Variants in RBFOX1 observed in about 807,000 individuals in gnomAD.
The protein encoded by RBFOX1 is RNA binding protein fox-1 homolog 1.
RBFOX1 carries 8 observed loss-of-function variants against 57.7 expected under a neutral mutation model. The ratio of observed to expected loss-of-function variants is 0.14; its 90% CI spans 0.08 to 0.25. The LOEUF is 0.25. Among genes scored for constraint, RBFOX1 ranks in the 10% least tolerant of loss-of-function variants. The pLI is 1.00. For synonymous variants in RBFOX1, 326 were observed against 222.4 expected, an observed-to-expected ratio of 1.47 and a Z score of -4.15; for missense variants, 611 against 548.5, an observed-to-expected ratio of 1.11 and a Z score of -1.14.
chr16:7,434,987 G>C (rs576571708), intron 4 of RBFOX1, among the ~76,000 whole-genome samples: 4 of 152,112 alleles, frequency 2.6e-5, no homozygotes, highest in Non-Finnish European at 2.9e-5. Context: ...TGATCCGCCT[G>C]CCTTGGCCTC....
intron 3 of RBFOX1, among the ~76,000 whole-genome samples, chr16:5,645,870 A>G (rs1245318916): frequency 3.9e-5 from 6 of 152,058 alleles, no homozygotes; most frequent in Non-Finnish European, 5.9e-5. Flanking sequence ...GGGTCTTGCT[A>G]TGTTGTTATG....
intron 1 of RBFOX1, among the ~76,000 whole-genome samples, chr16:6,168,816 T>A (rs1456148893): frequency 1.3e-5 from 2 of 151,326 alleles, no homozygotes; most frequent in South Asian, 2.1e-4. Flanking sequence ...TTCACTTTTT[T>A]ACTTTTTTTT....
chr16:6,727,477 A>C (rs1246959068), intron 3 of RBFOX1, among the ~76,000 whole-genome samples: 1 of 151,926 alleles, frequency 6.6e-6, no homozygotes, highest in Non-Finnish European at 1.5e-5. Context: ...GATGAAGCAC[A>C]GGGCAAAAAC....
chr16:5,479,950 C>G (rs902645742), intron 2 of RBFOX1, among the ~76,000 whole-genome samples: 6 of 152,110 alleles, frequency 3.9e-5, no homozygotes, highest in African/African-American at 1.4e-4. Context: ...TGGTTTCTTT[C>G]TCCCCACCCT....
At chr16:5,554,717 C>T (rs542246591) in intron 2 of RBFOX1, among the ~76,000 whole-genome samples, 16 of 152,314 alleles carry the variant, frequency 1.1e-4, no homozygotes, top group African/African-American at 3.6e-4. Flanking sequence ...GCTCTATTCA[C>T]AAACGTCTCA....
At chr16:6,373,872 G>C (rs77636087) in intron 2 of RBFOX1, among the ~76,000 whole-genome samples, 2,310 of 152,254 alleles carry the variant, frequency 0.015, 31 homozygotes, top group Middle Eastern at 0.058. Context: ...TGCTGTTTAA[G>C]AAGTTATTTT....
chr16:6,420,484 T>C (rs1235815549), intron 2 of RBFOX1, among the ~76,000 whole-genome samples: 1 of 151,938 alleles, frequency 6.6e-6, no homozygotes, highest in Non-Finnish European at 1.5e-5. Flanking sequence ...GAAAATGTAG[T>C]CTTTTGAAGA....
At chr16:6,327,284 C>T (rs931533939) in intron 2 of RBFOX1, among the ~76,000 whole-genome samples, 8 of 152,036 alleles carry the variant, frequency 5.3e-5, no homozygotes, top group African/African-American at 1.7e-4. Flanking sequence ...CACAATATAA[C>T]ATCAGGATGA....
At chr16:6,183,779 C>T (rs1313073857) in intron 1 of RBFOX1, among the ~76,000 whole-genome samples, 2 of 152,030 alleles carry the variant, frequency 1.3e-5, no homozygotes, top group Non-Finnish European at 2.9e-5. Context: ...GAAAAAGAGA[C>T]AAGAGTGGTA....
chr16:6,644,790 G>A (rs1383029503), intron 2 of RBFOX1, among the ~76,000 whole-genome samples: 1 of 152,122 alleles, frequency 6.6e-6, no homozygotes, highest in African/African-American at 2.4e-5. Flanking sequence ...TCCTTTTAAG[G>A]AATTTTTCTT....
Position 6,793,989 on chromosome 16 carries a change from A to C in RBFOX1, c.-16+139339A>C, listed in dbSNP as rs530915157. 2.6e-5 allele frequency among the ~76,000 whole-genome samples: 4 copies of C among 152,280 alleles called. No individual in the cohort carries two copies. In the East Asian group the frequency reaches 7.7e-4, roughly 29 times the overall value. ...TACAGCAAGTGGTGTATGATTCAGT[A>C]ACTCCACCGGATTGCTTTATTGGTT... On this transcript the variant is annotated intron_variant, in intron 3 of 15. Transcript: ENST00000550418.
At chr16:6,817,966 G>T (rs1258700342) in intron 3 of RBFOX1, among the ~76,000 whole-genome samples, 2 of 152,262 alleles carry the variant, frequency 1.3e-5, no homozygotes, top group African/African-American at 4.8e-5. Flanking sequence ...AGATGATCTG[G>T]TTTTAAACGC....
intron 3 of RBFOX1, among the ~76,000 whole-genome samples, chr16:5,721,660 G>A (rs755361711): frequency 6.6e-5 from 10 of 152,108 alleles, no homozygotes; most frequent in Non-Finnish European, 1.3e-4. Flanking sequence ...AGATTATTGA[G>A]TGTTTTTATC....
At chr16:7,399,332 A>C (rs1349450010) in intron 4 of RBFOX1, among the ~76,000 whole-genome samples, 2 of 152,202 alleles carry the variant, frequency 1.3e-5, no homozygotes, top group Admixed American at 6.5e-5. Context: ...CTGTAATCGC[A>C]GCTACGTGGG....
intron 3 of RBFOX1, among the ~76,000 whole-genome samples, chr16:5,827,302 A>G (rs2056094244): frequency 6.7e-6 from 1 of 149,834 alleles, no homozygotes; most frequent in Non-Finnish European, 1.5e-5. Flanking sequence ...AGGGAGGCTG[A>G]GGCAGGAAAA....
Position 5,254,152 on chromosome 16 carries a change from C to A in RBFOX1, c.219+14047C>A, listed in dbSNP as rs143761077. Among the ~76,000 whole-genome samples the A allele has an allele frequency of 4.3e-3, 662 of 152,286 alleles. 8 individuals are homozygous for A. The highest frequency in any genetic ancestry group is 0.015 in the African/African-American group (616 of 41,562). ...TTTGATTAATAAAAGATGGCATGCC[C>A]ATTTTACAGATGAGAAAGTTGAGGC... On this transcript the variant is annotated intron_variant, in intron 1 of 2. Transcript: ENST00000585867.
chr16:7,229,438 G>A (rs2093348004), intron 4 of RBFOX1, among the ~76,000 whole-genome samples: 1 of 151,960 alleles, frequency 6.6e-6, no homozygotes, highest in African/African-American at 2.4e-5. Flanking sequence ...TGTCATCTAT[G>A]TAGATGATGT....
chr16:5,513,639 C>A (rs895143763), intron 2 of RBFOX1, among the ~76,000 whole-genome samples: 2 of 152,132 alleles, frequency 1.3e-5, no homozygotes, highest in African/African-American at 2.4e-5. Flanking sequence ...TTTGTTTATT[C>A]CCCCACATTT....
intron 3 of RBFOX1, among the ~76,000 whole-genome samples, chr16:6,660,590 C>T (rs542248338): frequency 6.6e-6 from 1 of 152,234 alleles, no homozygotes; most frequent in East Asian, 1.9e-4. Context: ...CAAATAGCAA[C>T]TCTGTGACCT....
Sources: allele counts gnomAD v4.1 joint callset (sites outside exome capture counted in the v4.1 genomes callset), GRCh38; gene constraint gnomAD v4.1.1; transcripts MANE v1.5; gene names NCBI Gene and HGNC (gene_info 2026-07-23, HGNC 2026-07-21).